TDRP: variants seen among roughly 807,000 people sequenced by gnomAD.
TDRP encodes the protein testis development related protein.
In TDRP, 12 loss-of-function variants were observed where a neutral mutation model predicts 10.5. The observed-to-expected ratio is 1.15, with a 90% CI of 0.73 to 1.86. TDRP has a LOEUF of 1.86. TDRP is among the 40% of genes most tolerant of loss of function. The probability of loss-of-function intolerance (pLI) is 0.00; values close to 1 mark genes in which losing one functional copy is unlikely to be tolerated. For synonymous variants in TDRP, 139 were observed against 95.4 expected, an observed-to-expected ratio of 1.46 and a Z score of -2.67; for missense variants, 353 against 229.2, an observed-to-expected ratio of 1.54 and a Z score of -3.49.
chr8:527,585 A>G (rs1802066444), intron 1 of TDRP, among the ~76,000 whole-genome samples: 1 of 151,888 alleles, frequency 6.6e-6, no homozygotes, highest in East Asian at 1.9e-4. Flanking sequence ...AGAATAGAGA[A>G]CCCAGAAACA....
chr8:528,854 T>C (rs1295400110), intron 1 of TDRP, among the ~76,000 whole-genome samples: 2 of 152,076 alleles, frequency 1.3e-5, no homozygotes, highest in Non-Finnish European at 2.9e-5. Flanking sequence ...TATATGTGTG[T>C]GTGTGTGTAA....
intron 1 of TDRP, among the ~76,000 whole-genome samples, chr8:534,271 T>C (rs2053788): frequency 0.011 from 1,696 of 152,358 alleles, 26 homozygotes; most frequent in African/African-American, 0.039. Flanking sequence ...ACAGTAGTTA[T>C]GTTGTACAAA....
intron 1 of TDRP, among the ~76,000 whole-genome samples, chr8:544,355 G>A (rs113354181): frequency 0.011 from 1,654 of 152,136 alleles, 25 homozygotes; most frequent in African/African-American, 0.038. Flanking sequence ...CGTGCAGGGG[G>A]CACTGGGTCC....
rs1800971155 is a variant in TDRP at position 491,473 on chromosome 8, T to C, written c.*926A>G. ...CTCTCAAACCGGTCGTCGATTATTC[T>C]TGTGGAAAAAACACAGCTTCTTACA... On this transcript the variant is annotated 3_prime_UTR_variant, in exon 3 of 3. Transcript: ENST00000324079. 1 of 791,010 alleles carries C rather than the reference T, an allele frequency of 1.3e-6. No homozygotes were observed. The highest frequency in any genetic ancestry group is 1.8e-5 in the African/African-American group (1 of 55,620). The allele number at this position is 791,010 out of a possible 1,614,324, so 49.0% of individuals were successfully genotyped here.
intron 1 of TDRP, among the ~76,000 whole-genome samples, chr8:534,074 G>C (rs1408221223): frequency 1.3e-5 from 2 of 152,162 alleles, no homozygotes; most frequent in Admixed American, 1.3e-4. Flanking sequence ...AAGAAAAATG[G>C]TATCAGAAAT....
At chr8:500,744 G>A (rs532620267) in intron 1 of TDRP, among the ~76,000 whole-genome samples, 48 of 152,202 alleles carry the variant, frequency 3.2e-4, no homozygotes, top group Non-Finnish European at 5.3e-4. Context: ...GGCCCTGGGA[G>A]AAAGCCTCCA....
chr8:545,074 C>G (rs1040957711), upstream of TDRP: 91 of 203,734 alleles, frequency 4.5e-4, no homozygotes, highest in Admixed American at 3.2e-3. Flanking sequence ...AGGACCAGAC[C>G]CACCCCCAAA....
At position 492,516 on chromosome 8, in the gene TDRP, G is replaced by C. The variant is rs1200240515; in HGVS notation, c.441C>G (p.Thr147=). Residue 147 remains threonine (T), a synonymous_variant, in exon 3 of 3, where the codon ACC becomes ACG. Transcript: ENST00000324079. ...EDDAKGSTKY[T]SLASSANSSR... ...AGCTGTTGGCAGAGCTGGCCAGGCT[G>C]GTGTACTTGGTCGAGCCCTTGGCGT... 1 of 1,610,294 alleles carries C rather than the reference G, an allele frequency of 6.2e-7. No individual in the cohort carries two copies. The highest frequency in any genetic ancestry group is 1.3e-5 in the African/African-American group (1 of 75,012).
upstream of TDRP, chr8:545,668 C>T (rs575713179): frequency 4.6e-5 from 7 of 152,180 alleles, no homozygotes; most frequent in African/African-American, 1.4e-4. Flanking sequence ...CGGGACTCAT[C>T]CCCTCCGGCG....
intron 1 of TDRP, among the ~76,000 whole-genome samples, chr8:522,825 G>C (rs968671850): frequency 2.6e-5 from 4 of 152,174 alleles, no homozygotes; most frequent in African/African-American, 7.2e-5. Flanking sequence ...TCCGATATAA[G>C]TAGGCCACTC....
At chr8:521,736 T>C (rs552702581) in intron 1 of TDRP, among the ~76,000 whole-genome samples, 1 of 152,204 alleles carries the variant, frequency 6.6e-6, no homozygotes, top group Admixed American at 6.5e-5. Flanking sequence ...CATTTGAGAT[T>C]CTATATGAAC....
chr8:531,195 T>C lies in TDRP; in HGVS notation c.108+13455A>G, dbSNP rs59537959. Among the ~76,000 whole-genome samples, 1,367 of 152,250 alleles carry C rather than the reference T, an allele frequency of 9.0e-3. 21 individuals carry two copies. Among genetic ancestry groups the C allele is most frequent in the African/African-American group, 0.032 (1,313 of 41,530 alleles). ...TGGCTTTTTTTTTCTCCTACTTCAA[T>C]GCAGCTGTTCTTGGCTTTGAGCTTG... On this transcript the variant is annotated intron_variant, in intron 1 of 2. Coordinates refer to ENST00000324079, the MANE Select transcript of TDRP (RefSeq NM_001384899.1).
At chr8:522,849 G>C (rs1411856968) in intron 1 of TDRP, among the ~76,000 whole-genome samples, 2 of 152,174 alleles carry the variant, frequency 1.3e-5, no homozygotes, top group African/African-American at 4.8e-5. Context: ...CTCCCTTTTA[G>C]TAGAGAACAT....
At chr8:497,142 G>A (rs745338637) in intron 1 of TDRP, among the ~76,000 whole-genome samples, 1 of 152,216 alleles carries the variant, frequency 6.6e-6, no homozygotes, top group African/African-American at 2.4e-5. Flanking sequence ...TTGGAACTGG[G>A]TAATGGGGCA....
chr8:534,322 A>G (rs934710852), intron 1 of TDRP, among the ~76,000 whole-genome samples: 1 of 152,250 alleles, frequency 6.6e-6, no homozygotes, highest in Admixed American at 6.5e-5. Context: ...TATTGCTGTT[A>G]AGGGAAACAC....
intron 1 of TDRP, among the ~76,000 whole-genome samples, chr8:524,671 G>A (rs889215331): frequency 3.3e-5 from 5 of 151,786 alleles, no homozygotes; most frequent in Non-Finnish European, 5.9e-5. Flanking sequence ...ACTGACATAT[G>A]AAGAATGCAT....
upstream of TDRP, chr8:545,604 G>C (rs1802633291): frequency 6.6e-6 from 1 of 152,158 alleles, no homozygotes; most frequent in Non-Finnish European, 1.5e-5. Flanking sequence ...CCGCGGAGCG[G>C]CGCCTGTACC....
intron 1 of TDRP, among the ~76,000 whole-genome samples, chr8:529,117 A>C (rs753381036): frequency 2.4e-4 from 36 of 152,098 alleles, no homozygotes; most frequent in Non-Finnish European, 4.7e-4. Flanking sequence ...ATGCCCACTC[A>C]GATTGGCGGT....
chr8:527,185 A>C (rs1344345964), intron 1 of TDRP, among the ~76,000 whole-genome samples: 1 of 152,196 alleles, frequency 6.6e-6, no homozygotes, highest in African/African-American at 2.4e-5. Context: ...AAAAAAAATT[A>C]AATACCTAAG....
Sources: gnomAD v4.1 joint callset for allele counts (sites outside exome capture counted in the v4.1 genomes callset) on GRCh38, gnomAD v4.1.1 for gene constraint, MANE v1.5 for transcripts, NCBI Gene and HGNC (gene_info 2026-07-23, HGNC 2026-07-21) for gene names.